The following PARP14 variants were observed in gnomAD, a reference collection of about 807,000 sequenced individuals.
The protein encoded by PARP14 is poly(ADP-ribose) polymerase family member 14, also known as protein mono-ADP-ribosyltransferase PARP14.
In PARP14, 59 loss-of-function variants were observed where a neutral mutation model predicts 154.2. The observed-to-expected ratio is 0.38, with a 90% CI of 0.31 to 0.48. PARP14 has a LOEUF of 0.48. PARP14 is among the 20% of genes least tolerant of loss of function. PARP14 has a pLI of 0.98. For missense variants in PARP14, 1,734 were observed against 2,131.6 expected (o/e 0.81, Z 3.67); for synonymous variants, 720 against 780.5 (o/e 0.92, Z 1.29).
At chr3:122,684,640 T>C (rs780202641) in intron 1 of PARP14, among the ~76,000 whole-genome samples, 1 of 152,122 alleles carries the variant, frequency 6.6e-6, no homozygotes, top group Non-Finnish European at 1.5e-5. Flanking sequence ...CTCCCCCTTC[T>C]TTTATACTCC....
At chr3:122,707,915 G>T (rs377726301) in intron 8 of PARP14, among the ~76,000 whole-genome samples, 2 of 152,126 alleles carry the variant, frequency 1.3e-5, no homozygotes, top group African/African-American at 4.8e-5. Context: ...ATTTTTAACT[G>T]TTTTTTCTCT....
intron 12 of PARP14, 112 bp downstream of exon 12, chr3:122,714,541 T>A: frequency 1.4e-6 from 1 of 726,204 alleles, no homozygotes; most frequent in Non-Finnish European, 2.1e-6. Context: ...CAGCAACCAT[T>A]AAGCTAGGAG....
At chr3:122,726,359 A>T (rs566555246) in intron 15 of PARP14, among the ~76,000 whole-genome samples, 1 of 152,330 alleles carries the variant, frequency 6.6e-6, no homozygotes, top group East Asian at 1.9e-4. Context: ...TGCTGGGCAT[A>T]GAAGTTTGGA....
intron 8 of PARP14, among the ~76,000 whole-genome samples, chr3:122,707,380 CAAATAAATAAATAAAT>C (rs60420136): frequency 1.4e-5 from 2 of 139,622 alleles, no homozygotes; most frequent in East Asian, 4.2e-4. Context: ...GACTCCATCT[CAAATAAATAAATAAAT>C]AAATAAATAA....
rs1933362478 is a variant in PARP14 at position 122,729,307 on chromosome 3, T to A, written c.*710T>A. 1 of 152,660 alleles carries A rather than the reference T, an allele frequency of 6.6e-6. No homozygotes were observed. Among genetic ancestry groups the A allele is most frequent in the Non-Finnish European group, 1.5e-5 (1 of 68,438 alleles). 9.5% of individuals were successfully genotyped at this position (152,660 alleles called of 1,614,324 possible). A position where few individuals can be genotyped will look rare whatever the true frequency, so the allele number is the denominator to read the frequency against. ...CTCTGGGACTGCAGTGTACTTGCGC[T>A]CTGCACGGTCCAGGAGCTGTGATGT... On this transcript the variant is annotated 3_prime_UTR_variant, in exon 17 of 17. Coordinates refer to ENST00000474629, the MANE Select transcript of PARP14 (RefSeq NM_017554.3).
chr3:122,696,262 T>A (rs1008291481), intron 5 of PARP14, among the ~76,000 whole-genome samples: 1 of 152,164 alleles, frequency 6.6e-6, no homozygotes, highest in East Asian at 1.9e-4. Context: ...AGGTTCCACT[T>A]GTGTTCAGAA....
intron 3 of PARP14, among the ~76,000 whole-genome samples, chr3:122,688,263 G>A (rs372769611): frequency 9.9e-5 from 15 of 152,156 alleles, no homozygotes; most frequent in Admixed American, 6.5e-4. Flanking sequence ...TTTTATATGT[G>A]CATATTTATT....
chr3:122,705,153 A>G (rs1470058540), intron 8 of PARP14, among the ~76,000 whole-genome samples: 1 of 152,234 alleles, frequency 6.6e-6, no homozygotes, highest in East Asian at 1.9e-4. Flanking sequence ...ATTTTAAACA[A>G]TAACAATTCT....
chr3:122,689,177 G>A (rs907354841), intron 3 of PARP14, among the ~76,000 whole-genome samples: 11 of 152,164 alleles, frequency 7.2e-5, no homozygotes, highest in African/African-American at 2.7e-4. Context: ...CATGCCTGAA[G>A]CCACATGTGT....
intron 9 of PARP14, among the ~76,000 whole-genome samples, chr3:122,712,499 C>T (rs1405307124): frequency 3.3e-5 from 5 of 152,110 alleles, no homozygotes; most frequent in East Asian, 1.9e-4. Flanking sequence ...CCACCTGCCT[C>T]GGCCTCCCAA....
intron 8 of PARP14, among the ~76,000 whole-genome samples, chr3:122,706,572 G>A (rs1939157085): frequency 1.3e-5 from 2 of 152,198 alleles, no homozygotes; most frequent in Non-Finnish European, 1.5e-5. Context: ...GTTTTCCATG[G>A]CTGAGTGGCA....
intron 9 of PARP14, among the ~76,000 whole-genome samples, chr3:122,708,985 C>T (rs1437761521): frequency 6.6e-6 from 1 of 152,012 alleles, no homozygotes; most frequent in African/African-American, 2.4e-5. Context: ...TCTAAAATGT[C>T]TATTTGGTTC....
In PARP14 at chr3:122,730,067, T is replaced by C. The variant is rs6774933; in HGVS notation, c.*1470T>C. The C allele has an allele frequency of 0.45, 68,199 of 152,016 alleles. 16,203 individuals are homozygous for C. Among genetic ancestry groups the C allele is most frequent in the South Asian group, 0.54 (2,605 of 4,802 alleles). 9.4% of individuals were successfully genotyped at this position (152,016 alleles called of 1,614,324 possible). On this transcript the variant is annotated 3_prime_UTR_variant, in exon 17 of 17. Transcript: ENST00000474629. ...GTAAAATAGGTGCTTTCATACACAT[T>C]GTCTCAATTCCTGTGAGGTCAGAAT...
chr3:122,708,843 T>C (rs538126807), intron 9 of PARP14, among the ~76,000 whole-genome samples: 2 of 152,250 alleles, frequency 1.3e-5, no homozygotes, highest in South Asian at 4.1e-4. Flanking sequence ...CCCACTCATC[T>C]TTTTTCTCTC....
intron 3 of PARP14, among the ~76,000 whole-genome samples, chr3:122,689,269 G>A (rs1938468133): frequency 6.6e-6 from 1 of 152,140 alleles, no homozygotes; most frequent in Admixed American, 6.5e-5. Flanking sequence ...TCACCTACTA[G>A]ACATTTCACG....
intron 3 of PARP14, among the ~76,000 whole-genome samples, chr3:122,687,353 A>G (rs1227252574): frequency 6.6e-6 from 1 of 152,194 alleles, no homozygotes; most frequent in African/African-American, 2.4e-5. Flanking sequence ...ACACCTTGCA[A>G]TAGAGGGGAG....
At chr3:122,712,841 T>C (rs1034378730) in intron 9 of PARP14, among the ~76,000 whole-genome samples, 16 of 152,272 alleles carry the variant, frequency 1.1e-4, no homozygotes, top group East Asian at 3.9e-4. Context: ...ACATGAGCCA[T>C]TGTGTCTGGC....
At chr3:122,711,924 G>T (rs947660909) in intron 9 of PARP14, among the ~76,000 whole-genome samples, 1 of 152,088 alleles carries the variant, frequency 6.6e-6, no homozygotes, top group Non-Finnish European at 1.5e-5. Flanking sequence ...GGCATTGATT[G>T]TAATGTCTCC....
chr3:122,691,830 A>C (rs1380408437), intron 3 of PARP14, among the ~76,000 whole-genome samples: 1 of 152,232 alleles, frequency 6.6e-6, no homozygotes, highest in East Asian at 1.9e-4. Flanking sequence ...GGGTATAATA[A>C]AATTAAACTT....
Sources: allele counts gnomAD v4.1 joint callset (sites outside exome capture counted in the v4.1 genomes callset), GRCh38; gene constraint gnomAD v4.1.1; transcripts MANE v1.5; gene names NCBI Gene and HGNC (gene_info 2026-07-23, HGNC 2026-07-21).